Variants in TTLL7 observed in about 807,000 individuals in gnomAD.
The protein encoded by TTLL7 is tubulin tyrosine ligase like 7.
In TTLL7, 53 loss-of-function variants were observed where a neutral mutation model predicts 120.2. The observed-to-expected ratio is 0.44, with a 90% CI of 0.35 to 0.55. The LOEUF (loss-of-function observed/expected upper bound fraction) is 0.55. Ranked by LOEUF, TTLL7 falls within the 20% of genes least tolerant of loss-of-function variation. TTLL7 has a pLI of 0.00. For synonymous variants in TTLL7, 353 were observed against 351.7 expected, an observed-to-expected ratio of 1.00 and a Z score of -0.04; for missense variants, 803 against 1,054.7, an observed-to-expected ratio of 0.76 and a Z score of 3.31.
rs149123415 is a variant in TTLL7 at position 83,994,845 on chromosome 1, C to T, written c.-177+4086G>A. The stretch of plus-strand genomic sequence containing the variant: ...CAGCTGTGCCTTGCAATATCAGGAC[C>T]CTGAAGCTGGAGACCTGGGAATCTG... On this transcript the variant is annotated intron_variant, in intron 1 of 20. Transcript: ENST00000260505. 2.4e-3 allele frequency among the ~76,000 whole-genome samples: 364 copies of T among 152,216 alleles called. 3 individuals carry two copies. Among genetic ancestry groups the T allele is most frequent in the African/African-American group, 8.5e-3 (354 of 41,524 alleles).
chr1:83,922,140 AG>A (rs1480515081), intron 10 of TTLL7, among the ~76,000 whole-genome samples: 1 of 152,106 alleles, frequency 6.6e-6, no homozygotes, highest in Non-Finnish European at 1.5e-5. Context: ...AAGACCTAGC[AG>A]GAACAGGGTG....
chr1:83,940,624 T>C (rs1647866312), intron 7 of TTLL7, among the ~76,000 whole-genome samples: 1 of 152,168 alleles, frequency 6.6e-6, no homozygotes, highest in African/African-American at 2.4e-5. Context: ...CCTGTGACCA[T>C]ATTATATCAA....
chr1:83,921,919 T>C (rs1002699153), intron 10 of TTLL7, among the ~76,000 whole-genome samples: 1 of 152,178 alleles, frequency 6.6e-6, no homozygotes, highest in African/African-American at 2.4e-5. Context: ...ATCATTTATT[T>C]GAAAACATCT....
At chr1:83,903,687 C>A (rs1183385642) in intron 18 of TTLL7, among the ~76,000 whole-genome samples, 1 of 151,576 alleles carries the variant, frequency 6.6e-6, no homozygotes, top group African/African-American at 2.4e-5. Context: ...GGGATAATGA[C>A]AAGGGAAAAA....
intron 9 of TTLL7, among the ~76,000 whole-genome samples, chr1:83,932,958 G>T (rs1281117806): frequency 6.6e-6 from 1 of 152,054 alleles, no homozygotes; most frequent in East Asian, 1.9e-4. Flanking sequence ...TATAAAAATT[G>T]TCAACAGAGA....
At chr1:83,936,429 C>T (rs1647403978) in intron 8 of TTLL7, among the ~76,000 whole-genome samples, 1 of 152,112 alleles carries the variant, frequency 6.6e-6, no homozygotes, top group East Asian at 1.9e-4. Flanking sequence ...TTGGAATTAT[C>T]ATCAGATGGA....
In TTLL7 at chr1:83,953,701, G is replaced by A. The variant is rs1307992501; in HGVS notation, c.-176-1314C>T. On this transcript the variant is annotated intron_variant, in intron 1 of 20. Transcript: ENST00000260505. ...CTATTTTCCAGAAAAAGAAACTAAGGCTAGATAAGTTAAACAAATCAAGGT... is the reference window on the plus strand; with the variant it reads ...CTATTTTCCAGAAAAAGAAACTAAGACTAGATAAGTTAAACAAATCAAGGT... Among the ~76,000 whole-genome samples the A allele has an allele frequency of 3.3e-5, 5 of 152,000 alleles. No homozygotes were observed. The East Asian group carries it at 9.6e-4, about 29-fold the overall frequency.
intron 1 of TTLL7, among the ~76,000 whole-genome samples, chr1:83,954,319 A>C (rs1486789282): frequency 6.6e-6 from 1 of 152,194 alleles, no homozygotes; most frequent in Admixed American, 6.5e-5. Context: ...CAGGAATTTA[A>C]AGTTCTTAAA....
At chr1:83,922,775 T>C (rs1053921535) in intron 10 of TTLL7, among the ~76,000 whole-genome samples, 1 of 148,084 alleles carries the variant, frequency 6.8e-6, no homozygotes, top group Non-Finnish European at 1.5e-5. Context: ...TATATTTGTA[T>C]ATGTTAAAGA....
intron 20 of TTLL7, among the ~76,000 whole-genome samples, chr1:83,873,738 C>G (rs1445385260): frequency 6.6e-6 from 1 of 152,046 alleles, no homozygotes; most frequent in Non-Finnish European, 1.5e-5. Flanking sequence ...CTTTTATATA[C>G]CAATTTATTG....
At chr1:83,871,896 CAAAAAAAAAAAA>C (rs1281907006) in intron 20 of TTLL7, among the ~76,000 whole-genome samples, 960 of 44,050 alleles carry the variant, frequency 0.022, 29 homozygotes, top group Middle Eastern at 0.077. Context: ...GACTCCATCT[CAAAAAAAAAAAA>C]AAAAAAAAAG....
intron 8 of TTLL7, among the ~76,000 whole-genome samples, chr1:83,934,578 C>A (rs1253601855): frequency 1.3e-5 from 2 of 152,146 alleles, no homozygotes; most frequent in Non-Finnish European, 2.9e-5. Flanking sequence ...CATAATACTA[C>A]TAGGGTGAGT....
At chr1:83,963,758 G>A (rs918779634) in intron 1 of TTLL7, among the ~76,000 whole-genome samples, 2 of 151,960 alleles carry the variant, frequency 1.3e-5, no homozygotes, top group Non-Finnish European at 2.9e-5. Flanking sequence ...ACTATATCAG[G>A]GGAATACAGT....
chr1:83,987,916 G>A (rs749797475), intron 1 of TTLL7, among the ~76,000 whole-genome samples: 2 of 152,094 alleles, frequency 1.3e-5, no homozygotes, highest in Non-Finnish European at 2.9e-5. Context: ...GGGGGTACAT[G>A]TACAGGTTTG....
intron 15 of TTLL7, among the ~76,000 whole-genome samples, chr1:83,908,388 C>T (rs10874423): frequency 0.48 from 72,166 of 151,660 alleles, 18,247 homozygotes; most frequent in Non-Finnish European, 0.57. Context: ...AGTTTAAATA[C>T]AGAATTGGTT....
At chr1:83,970,114 T>A (rs150787895) in intron 1 of TTLL7, among the ~76,000 whole-genome samples, 1 of 152,038 alleles carries the variant, frequency 6.6e-6, no homozygotes, top group Non-Finnish European at 1.5e-5. Context: ...TTGATAAATC[T>A]TAAAATAATC....
intron 19 of TTLL7, chr1:83,885,115 A>G (rs1219093024): frequency 3.5e-6 from 1 of 282,984 alleles, no homozygotes; most frequent in African/African-American, 2.3e-5. Context: ...TAATTAGGGA[A>G]TATGTTTATA....
chr1:83,872,997 T>C (rs1196894232), intron 20 of TTLL7, among the ~76,000 whole-genome samples: 2 of 152,204 alleles, frequency 1.3e-5, no homozygotes, highest in Admixed American at 1.3e-4. Flanking sequence ...GCAACCATAC[T>C]ATATTGTCAT....
In TTLL7 at chr1:83,957,449, T is replaced by A. The variant is rs189688826; in HGVS notation, c.-176-5062A>T. ...TTAAATAAAAACATAATAAGAGCTGTTTTGTTGTGACAAGAGGAAGGAGAA... is the reference window on the plus strand; with the variant it reads ...TTAAATAAAAACATAATAAGAGCTGATTTGTTGTGACAAGAGGAAGGAGAA... On this transcript the variant is annotated intron_variant, in intron 1 of 20. Transcript: ENST00000260505. Among the ~76,000 whole-genome samples the A allele has an allele frequency of 3.9e-3, 595 of 152,304 alleles. 3 individuals are homozygous for A. The highest frequency in any genetic ancestry group is 0.02 in the Middle Eastern group (6 of 294).
Sources: allele counts gnomAD v4.1 joint callset (sites outside exome capture counted in the v4.1 genomes callset), GRCh38; gene constraint gnomAD v4.1.1; transcripts MANE v1.5; gene names NCBI Gene and HGNC (gene_info 2026-07-23, HGNC 2026-07-21).